Variants in AP3B2 observed in about 807,000 individuals in gnomAD.
The protein encoded by AP3B2 is adaptor related protein complex 3 subunit beta 2.
A neutral mutation model predicts 126.9 loss-of-function variants in AP3B2; 50 were observed. The ratio of observed to expected loss-of-function variants is 0.39; its 90% CI spans 0.31 to 0.50. AP3B2 has a LOEUF of 0.50. Among genes scored for constraint, AP3B2 ranks in the 20% least tolerant of loss-of-function variants. The probability of loss-of-function intolerance (pLI) is 0.79; values close to 1 mark genes in which losing one functional copy is unlikely to be tolerated. For synonymous variants in AP3B2, 541 were observed against 565.0 expected, an observed-to-expected ratio of 0.96 and a Z score of 0.60; for missense variants, 1,177 against 1,426.4, an observed-to-expected ratio of 0.83 and a Z score of 2.82.
At chr15:82,697,290 C>CAGAA (rs1567274282) in intron 1 of AP3B2, among the ~76,000 whole-genome samples, 2 of 151,680 alleles carry the variant, frequency 1.3e-5, no homozygotes. Flanking sequence ...GCCAAGATCG[C>CAGAA]GCCACTGCAC....
intron 11 of AP3B2, 90 bp downstream of exon 11, chr15:82,678,015 T>A: frequency 6.8e-7 from 1 of 1,479,472 alleles, no homozygotes; most frequent in South Asian, 1.2e-5. Flanking sequence ...TTCTCCAGCC[T>A]TGGGCTCATA....
intron 1 of AP3B2, among the ~76,000 whole-genome samples, chr15:82,690,857 C>G (rs1287000717): frequency 2.6e-5 from 4 of 151,822 alleles, no homozygotes; most frequent in Admixed American, 6.6e-5. Flanking sequence ...GGGGTTTCAC[C>G]GTGTTAGCCA....
chr15:82,688,964 CCT>C lies in AP3B2; in HGVS notation c.265-135_265-134del, dbSNP rs1451293560. Reference sequence around the variant, plus strand: ...AACTCTCCCAGTGGGGGAGAGCACCCCTGAGTGTATCCGGGTCCTTTACCTTG... The same window carrying C: ...AACTCTCCCAGTGGGGGAGAGCACCCGAGTGTATCCGGGTCCTTTACCTTG... On this transcript the variant is annotated intron_variant, in intron 3 of 26. Transcript: ENST00000535359. 9.0e-6 allele frequency: 9 copies of C among 1,004,896 alleles called. No individual in the cohort carries two copies. The African/African-American group carries it at 9.6e-5, about 11-fold the overall frequency. 62.2% of individuals were successfully genotyped at this position (1,004,896 alleles called of 1,614,324 possible). A position where few individuals can be genotyped will look rare whatever the true frequency, so the allele number is the denominator to read the frequency against.
In AP3B2 at chr15:82,664,949, G is replaced by GA; in HGVS notation, c.2029-7dup. On this transcript the variant is annotated splice_polypyrimidine_tract_variant and splice_region_variant and intron_variant, in intron 17 of 26. Coordinates refer to ENST00000535359, the MANE Select transcript of AP3B2 (RefSeq NM_001278512.2). The surrounding 1 kb of genome is among the most constrained non-coding windows in gnomAD (Gnocchi z 4.5). ...CACTTGGTCCATTCAGGTACCTGGA[G>GA]ATGGGGGTAGGGTGCAGGGTCATTT... 6.3e-7 allele frequency: 1 copy of GA among 1,592,482 alleles called. No homozygotes were observed. The highest frequency in any genetic ancestry group is 8.6e-7 in the Non-Finnish European group (1 of 1,165,544).
chr15:82,699,411 T>C (rs2151458995), intron 1 of AP3B2, among the ~76,000 whole-genome samples: 1 of 152,148 alleles, frequency 6.6e-6, no homozygotes, highest in East Asian at 1.9e-4. Flanking sequence ...CCTCCTCCCC[T>C]CAGAGCCTCC....
chr15:82,703,403 T>G (rs2048750909), intron 1 of AP3B2, among the ~76,000 whole-genome samples: 1 of 131,172 alleles, frequency 7.6e-6, no homozygotes, highest in African/African-American at 2.8e-5. Context: ...CCACCCCTTC[T>G]CTCCGTGTCT....
At chr15:82,676,136 G>A (rs114333273) in intron 14 of AP3B2, among the ~76,000 whole-genome samples, 3,202 of 152,254 alleles carry the variant, frequency 0.021, 115 homozygotes, top group African/African-American at 0.072. Flanking sequence ...ATCAGTACCT[G>A]CCACTGTTGG....
chr15:82,698,193 T>C (rs1771762993), intron 1 of AP3B2, among the ~76,000 whole-genome samples: 1 of 151,356 alleles, frequency 6.6e-6, no homozygotes. Flanking sequence ...GTAGAATCCA[T>C]ACATAAACCC....
rs2048040123 is a variant in AP3B2 at position 82,665,436 on chromosome 15, T to TACACACACACA, written c.1971+20_1971+21insTGTGTGTGTGT. On this transcript the variant is annotated intron_variant, in intron 16 of 26. Coordinates refer to ENST00000535359, the MANE Select transcript of AP3B2 (RefSeq NM_001278512.2). This position sits in a 1 kb window ranked among gnomAD's most constrained non-coding sequence, Gnocchi z 4.4. ...ACACACACACACACACACACACACT[T>TACACACACACA]CAACCCTCCACCCCGCTGACCTCCA... The TACACACACACA allele has an allele frequency of 8.2e-7, 1 of 1,220,322 alleles. No individual in the cohort carries two copies. Among genetic ancestry groups the TACACACACACA allele is most frequent in the African/African-American group, 2.1e-5 (1 of 47,950 alleles). The allele number at this position is 1,220,322 out of a possible 1,614,324, so 75.6% of individuals were successfully genotyped here. A position where few individuals can be genotyped will look rare whatever the true frequency, so the allele number is the denominator to read the frequency against.
Position 82,665,008 on chromosome 15 carries a change from G to T in AP3B2, c.2029-65C>A. ...TTGGGGAGAAGGCAGGCAGGCACAA[G>T]CCCTTACCCTTTATTCCACCTCTTT... On this transcript the variant is annotated intron_variant, in intron 17 of 26. Coordinates refer to ENST00000535359, the MANE Select transcript of AP3B2 (RefSeq NM_001278512.2). This position sits in a 1 kb window ranked among gnomAD's most constrained non-coding sequence, Gnocchi z 4.4. 1 of 1,292,630 alleles carries T rather than the reference G, an allele frequency of 7.7e-7. No individual in the cohort carries two copies. The highest frequency in any genetic ancestry group is 1.1e-6 in the Non-Finnish European group (1 of 910,070). The allele number at this position is 1,292,630 out of a possible 1,614,324, so 80.1% of individuals were successfully genotyped here. A position where few individuals can be genotyped will look rare whatever the true frequency, so the allele number is the denominator to read the frequency against.
intron 21 of AP3B2, 46 bp from the exon 22 acceptor site, chr15:82,663,279 TG>T (rs1321331040): frequency 6.8e-7 from 1 of 1,480,180 alleles, no homozygotes; most frequent in South Asian, 1.2e-5. Flanking sequence ...GGAGGTGGCT[TG>T]GGTTGAGCAG....
chr15:82,690,679 A>T (rs1212954575), intron 1 of AP3B2, among the ~76,000 whole-genome samples: 1 of 93,698 alleles, frequency 1.1e-5, no homozygotes. Context: ...TGTGAGATGG[A>T]GTCTCGCTCT....
At chr15:82,707,096 C>T (rs1239002130) in intron 1 of AP3B2, among the ~76,000 whole-genome samples, 5 of 151,572 alleles carry the variant, frequency 3.3e-5, no homozygotes, top group Non-Finnish European at 7.4e-5. Flanking sequence ...CTCAGTTTGG[C>T]CTTCCCGCCT....
chr15:82,665,344 A>G lies in AP3B2; in HGVS notation c.1972-41T>C, dbSNP rs1424849069. On this transcript the variant is annotated intron_variant, in intron 16 of 26. Coordinates refer to ENST00000535359, the MANE Select transcript of AP3B2 (RefSeq NM_001278512.2). This position sits in a 1 kb window ranked among gnomAD's most constrained non-coding sequence, Gnocchi z 4.4. ...AGGGTGTTAGGAGGGCTGGGCCGGC[A>G]CTGCCAGGGCTCCCTACTGTCTGCC... is the stretch of plus-strand genomic sequence containing the variant. The G allele has an allele frequency of 1.3e-6, 2 of 1,582,356 alleles. No homozygotes were observed. The highest frequency in any genetic ancestry group is 1.4e-5 in the African/African-American group (1 of 73,326).
intron 1 of AP3B2, chr15:82,692,405 C>T (rs771476682): frequency 1.9e-4 from 90 of 470,002 alleles, no homozygotes; most frequent in Non-Finnish European, 2.9e-4. Context: ...GCAGCGTCCC[C>T]GCGGGCTCTG....
At chr15:82,698,948 A>G (rs1322561409) in intron 1 of AP3B2, among the ~76,000 whole-genome samples, 1 of 152,134 alleles carries the variant, frequency 6.6e-6, no homozygotes, top group Non-Finnish European at 1.5e-5. Flanking sequence ...ATATGCACTG[A>G]CACAGACCGC....
intron 14 of AP3B2, among the ~76,000 whole-genome samples, chr15:82,671,523 G>A (rs2048158300): frequency 6.6e-6 from 1 of 152,004 alleles, no homozygotes; most frequent in Non-Finnish European, 1.5e-5. Context: ...TGGATCGCGA[G>A]GTCAAGAGAT....
rs1207943401 is a variant in AP3B2, at chr15:82,680,365, G to C, written c.1055+107C>G. 12 of 1,467,798 alleles carry C rather than the reference G, an allele frequency of 8.2e-6. No homozygotes were observed. Among genetic ancestry groups the C allele is most frequent in the Non-Finnish European group, 1.1e-5 (12 of 1,096,558 alleles). 90.9% of individuals were successfully genotyped at this position (1,467,798 alleles called of 1,614,324 possible). ...GCAGGACTACGGTCAGTGTGGAGCG[G>C]GTGGGCAGAGGTGGAAGCGGCTGGT... On this transcript the variant is annotated intron_variant, in intron 8 of 26. Transcript: ENST00000535359. This position sits in a 1 kb window ranked among gnomAD's most constrained non-coding sequence, Gnocchi z 6.1.
In AP3B2 at chr15:82,664,900, TC is replaced by T. The variant is rs1275776014; in HGVS notation, c.2071del (p.Glu691ArgfsTer104). On this transcript the variant is annotated frameshift_variant, in exon 18 of 27. Coordinates refer to ENST00000535359, the MANE Select transcript of AP3B2 (RefSeq NM_001278512.2). LOFTEE classifies it high-confidence loss of function. The surrounding 1 kb of genome is among the most constrained non-coding windows in gnomAD (Gnocchi z 4.5). ...TKCSNREKRK[E>X]KEKPFYSDSE... ...GTCCGAGTAGAAGGGTTTTTCCTTC[TC>T]CTTTCTCTTCTCCCGATTTGAGCAC... 6.2e-7 allele frequency: 1 copy of T among 1,608,636 alleles called. No homozygotes were observed. The highest frequency in any genetic ancestry group is 8.5e-7 in the Non-Finnish European group (1 of 1,177,624).
Sources: gnomAD v4.1 joint callset for allele counts (sites outside exome capture counted in the v4.1 genomes callset) on GRCh38, gnomAD v4.1.1 for gene constraint, Gnocchi (gnomAD v3.1) non-coding constraint, MANE v1.5 for transcripts, NCBI Gene and HGNC (gene_info 2026-07-23, HGNC 2026-07-21) for gene names.